GALNT13: variants seen among roughly 807,000 people sequenced by gnomAD.
GALNT13 encodes the protein UDP-GalNAc:polypeptide N-acetylgalactosaminyltransferase 13.
In GALNT13, 28 loss-of-function variants were observed where a neutral mutation model predicts 64.2. That is an observed-to-expected ratio of 0.44 (90% CI 0.32 to 0.60). GALNT13 has a LOEUF of 0.60. Ranked by LOEUF, GALNT13 falls within the 20% of genes least tolerant of loss-of-function variation. The pLI, the probability that GALNT13 is intolerant of heterozygous loss-of-function variation, is 0.05. For synonymous variants in GALNT13, 214 were observed against 224.6 expected (o/e 0.95, Z 0.42); for missense variants, 577 against 669.8 (o/e 0.86, Z 1.53).
chr2:153,278,478 A>G, the GALNT13 span, among the ~76,000 whole-genome samples: 2 of 152,102 alleles, frequency 1.3e-5, 1 homozygote, highest in Non-Finnish European at 2.9e-5. Context: ...AAGGATTCTT[A>G]TAGTTTGAGT....
chr2:153,380,473 AAATAAT>A, the GALNT13 span, among the ~76,000 whole-genome samples: 22 of 151,864 alleles, frequency 1.4e-4, no homozygotes. Flanking sequence ...TCCTCTCTCT[AAATAAT>A]AATAATAATA....
chr2:153,456,083 G>A, the GALNT13 span, among the ~76,000 whole-genome samples: 3 of 152,102 alleles, frequency 2.0e-5, no homozygotes, highest in Non-Finnish European at 4.4e-5. Flanking sequence ...CCATCTACCA[G>A]CTGAGTCTGG....
intron 3 of GALNT13, among the ~76,000 whole-genome samples, chr2:154,133,686 TA>T (rs1280553093): frequency 2.0e-5 from 3 of 150,902 alleles, no homozygotes; most frequent in African/African-American, 7.3e-5. Context: ...CCTTCTACTT[TA>T]AAAAAATTAT....
Position 154,113,678 on chromosome 2 carries a change from C to G in GALNT13, c.143-26659C>G, listed in dbSNP as rs138665660. Reference sequence around the variant, plus strand: ...TAGTGTGTTTGCTGCTTCTTGCTCACTGGATCCAATCAGCATAATGTCATC... The same window carrying G: ...TAGTGTGTTTGCTGCTTCTTGCTCAGTGGATCCAATCAGCATAATGTCATC... On this transcript the variant is annotated intron_variant, in intron 3 of 12. Coordinates refer to ENST00000392825, the MANE Select transcript of GALNT13 (RefSeq NM_052917.4). 3.9e-5 allele frequency among the ~76,000 whole-genome samples: 6 copies of G among 152,326 alleles called. No individual in the cohort carries two copies. In the East Asian group the frequency reaches 1.2e-3, roughly 29 times the overall value.
chr2:154,053,445 T>A (rs2105351681), intron 3 of GALNT13, among the ~76,000 whole-genome samples: 1 of 152,220 alleles, frequency 6.6e-6, no homozygotes, highest in East Asian at 1.9e-4. Context: ...ATTTATTGAA[T>A]GACTTTTAAC....
intron 3 of GALNT13, among the ~76,000 whole-genome samples, chr2:154,092,987 A>G (rs1038784764): frequency 6.6e-6 from 1 of 152,046 alleles, no homozygotes; most frequent in African/African-American, 2.4e-5. Flanking sequence ...AAAACGCACA[A>G]CACGTCTACT....
At chr2:153,154,246 C>T in the GALNT13 span, among the ~76,000 whole-genome samples, 7 of 152,076 alleles carry the variant, frequency 4.6e-5, no homozygotes, top group Non-Finnish European at 7.4e-5. Context: ...GTGAATAAGT[C>T]TTATGATATC....
the GALNT13 span, among the ~76,000 whole-genome samples, chr2:153,133,782 C>T: frequency 4.8e-5 from 5 of 103,928 alleles, no homozygotes; most frequent in African/African-American, 1.7e-4. Flanking sequence ...GGCCTCTTCT[C>T]GATGACATGG....
the GALNT13 span, among the ~76,000 whole-genome samples, chr2:153,572,673 GT>G: frequency 2.6e-5 from 4 of 151,576 alleles, no homozygotes; most frequent in Non-Finnish European, 5.9e-5. Context: ...AAATATTTCC[GT>G]TTTCTTCTTA....
At chr2:154,357,621 C>T (rs994958151) in intron 9 of GALNT13, among the ~76,000 whole-genome samples, 1 of 152,058 alleles carries the variant, frequency 6.6e-6, no homozygotes, top group African/African-American at 2.4e-5. Context: ...ATTAGGCAAG[C>T]TTATCAAATA....
chr2:153,743,594 A>T, the GALNT13 span, among the ~76,000 whole-genome samples: 1 of 152,046 alleles, frequency 6.6e-6, no homozygotes, highest in Non-Finnish European at 1.5e-5. Flanking sequence ...AGATGTTTTG[A>T]TACAGGCATG....
chr2:153,988,511 T>A (rs1694956082), intron 3 of GALNT13, among the ~76,000 whole-genome samples: 1 of 152,008 alleles, frequency 6.6e-6, no homozygotes, highest in Non-Finnish European at 1.5e-5. Context: ...TATCCTTTTT[T>A]TGAGGCTGAA....
At chr2:154,208,171 A>C (rs1273793768) in intron 4 of GALNT13, among the ~76,000 whole-genome samples, 1 of 152,222 alleles carries the variant, frequency 6.6e-6, no homozygotes, top group Non-Finnish European at 1.5e-5. Flanking sequence ...AAGAGCAAGA[A>C]AAATATCATA....
chr2:154,142,375 C>A, intron 4 of GALNT13, among the ~76,000 whole-genome samples: 1 of 151,522 alleles, frequency 6.6e-6, no homozygotes. Flanking sequence ...TATGGTAAAA[C>A]CCCATCTCCA....
chr2:154,126,620 G>A (rs1383488359), intron 3 of GALNT13, among the ~76,000 whole-genome samples: 3 of 148,240 alleles, frequency 2.0e-5, no homozygotes, highest in Non-Finnish European at 4.4e-5. Flanking sequence ...GGACGACAGA[G>A]CGAGACTCCG....
chr2:153,624,418 A>C, the GALNT13 span, among the ~76,000 whole-genome samples: 1 of 152,096 alleles, frequency 6.6e-6, no homozygotes, highest in Non-Finnish European at 1.5e-5. Flanking sequence ...GGATAATGGA[A>C]TACAAACAAA....
intron 3 of GALNT13, among the ~76,000 whole-genome samples, chr2:154,119,238 C>A (rs1032032177): frequency 1.3e-5 from 2 of 152,134 alleles, no homozygotes; most frequent in Non-Finnish European, 2.9e-5. Flanking sequence ...TTTTCTTCAG[C>A]ACTTTGAATA....
intron 3 of GALNT13, among the ~76,000 whole-genome samples, chr2:154,066,609 C>T (rs948358847): frequency 1.3e-5 from 2 of 151,600 alleles, no homozygotes; most frequent in Admixed American, 6.6e-5. Context: ...AAGCATTTTG[C>T]CCTAGAATGG....
At chr2:153,174,376 G>A in the GALNT13 span, among the ~76,000 whole-genome samples, 1 of 152,050 alleles carries the variant, frequency 6.6e-6, no homozygotes, top group African/African-American at 2.4e-5. Context: ...ATGCTGAGAT[G>A]ACTAATTGGA....
Sources: gnomAD v4.1 joint callset for allele counts (sites outside exome capture counted in the v4.1 genomes callset) on GRCh38, gnomAD v4.1.1 for gene constraint, MANE v1.5 for transcripts, NCBI Gene and HGNC (gene_info 2026-07-23, HGNC 2026-07-21) for gene names.